PAQR9: variants seen among roughly 807,000 people sequenced by gnomAD.
The protein encoded by PAQR9 is membrane progestin receptor epsilon.
A neutral mutation model predicts 24.0 loss-of-function variants in PAQR9; 12 were observed. The observed-to-expected ratio is 0.50, with a 90% CI of 0.32 to 0.81. The LOEUF (loss-of-function observed/expected upper bound fraction) is 0.81, where lower values mean the gene tolerates loss of function less well. Ranked by LOEUF, PAQR9 falls within the 30% of genes least tolerant of loss-of-function variation. The probability of loss-of-function intolerance (pLI) is 0.03; values close to 1 mark genes in which losing one functional copy is unlikely to be tolerated. For synonymous variants in PAQR9, 266 were observed against 237.6 expected, an observed-to-expected ratio of 1.12 and a Z score of -1.10; for missense variants, 418 against 520.8, an observed-to-expected ratio of 0.80 and a Z score of 1.92.
Position 142,962,239 on chromosome 3 carries a change from C to G in PAQR9, c.1098G>C (p.Lys366Asn). The G allele has an allele frequency of 1.2e-6, 2 of 1,614,092 alleles. No homozygotes were observed. Among genetic ancestry groups the G allele is most frequent in the Non-Finnish European group, 1.7e-6 (2 of 1,180,034 alleles). The change falls in exon 1 of 1, where the codon AAG becomes AAC. Residue 366 changes from lysine to asparagine, a missense_variant. Coordinates refer to ENST00000340634, the MANE Select transcript of PAQR9 (RefSeq NM_198504.4). The stretch of plus-strand genomic sequence containing the variant: ...TGCAGAATTCGGAGCTGTTTAGGAA[C>G]TTCCTGATTACCAGCCCCAGGCAGA... ...LVVCLGLVIR[K>N]FLNSSEFCSK...
At chr3:142,963,722 G>A (rs1384528009), upstream of PAQR9, 2 of 802,346 alleles carry the variant, frequency 2.5e-6, no homozygotes, top group Non-Finnish European at 3.0e-6. Flanking sequence ...CCCCGGAGCG[G>A]GAGGTGGGGA....
At chr3:142,950,799 G>A (rs926140584), downstream of PAQR9, among the ~76,000 whole-genome samples, 13 of 152,214 alleles carry the variant, frequency 8.5e-5, no homozygotes, top group African/African-American at 3.1e-4. Context: ...CAGAAGCAGA[G>A]GGATGCATTA....
downstream of PAQR9, among the ~76,000 whole-genome samples, chr3:142,952,196 T>C (rs1260881112): frequency 1.3e-5 from 2 of 151,834 alleles, no homozygotes; most frequent in Non-Finnish European, 2.9e-5. Context: ...AGGAGAACAA[T>C]GTGTAATGGA....
In PAQR9 at chr3:142,959,946, A is replaced by T. The variant is rs529875103; in HGVS notation, c.*2257T>A. Among the ~76,000 whole-genome samples, 28 of 152,316 alleles carry T rather than the reference A, an allele frequency of 1.8e-4. No individual in the cohort carries two copies. The highest frequency in any genetic ancestry group is 6.0e-4 in the African/African-American group (25 of 41,576). ...CTAGAAAAAACAACAATGACATGCA[A>T]ATAAATTTGCATGTGGAAATATCCT... is the stretch of plus-strand genomic sequence containing the variant. On this transcript the variant is annotated 3_prime_UTR_variant, in exon 1 of 1. Transcript: ENST00000340634.
Position 142,961,946 on chromosome 3 carries a change from A to G in PAQR9, c.*257T>C. ...TTTGAGAAATCCCTGGATGTCAAAG[A>G]CATCACCTGAATTTTTTCCAGGGGC... On this transcript the variant is annotated 3_prime_UTR_variant, in exon 1 of 1. Coordinates refer to ENST00000340634, the MANE Select transcript of PAQR9 (RefSeq NM_198504.4). 1 of 477,778 alleles carries G rather than the reference A, an allele frequency of 2.1e-6. No individual in the cohort carries two copies. Among genetic ancestry groups the G allele is most frequent in the Non-Finnish European group, 3.8e-6 (1 of 265,502 alleles). The allele number at this position is 477,778 out of a possible 1,614,324, so 29.6% of individuals were successfully genotyped here. A position where few individuals can be genotyped will look rare whatever the true frequency, so the allele number is the denominator to read the frequency against.
chr3:142,962,937 C>T lies in PAQR9; in HGVS notation c.400G>A (p.Ala134Thr), dbSNP rs1309921107. Residue 134 changes from alanine (A) to threonine (T), a missense_variant, in exon 1 of 1, where the codon GCC becomes ACC. Around this residue, in one of 3 missense-constraint regions of PAQR9, gnomAD observed 180 missense variants for 190.3 expected, o/e 0.95. Transcript: ENST00000340634. ...AACACGTGCGCCGTGCAGCTCATGGCGAAGGTCAGCAGCACTCCCGACGCG... is the reference window on the plus strand; with the variant it reads ...AACACGTGCGCCGTGCAGCTCATGGTGAAGGTCAGCAGCACTCCCGACGCG... The part of the protein sequence containing the change: ...CYASGVLLTF[A>T]MSCTAHVFSC... 3 of 1,613,822 alleles carry T rather than the reference C, an allele frequency of 1.9e-6. No homozygotes were observed. Among genetic ancestry groups the T allele is most frequent in the Admixed American group, 1.7e-5 (1 of 60,000 alleles).
At position 142,957,927 on chromosome 3, in the gene PAQR9, T is replaced by TA. The variant is rs1476985797; in HGVS notation, c.*4275dup. Reference sequence around the variant, plus strand: ...AAAAAGAGACCCAAACTCAGGGACTTACGGCATTCTACCTACAGCCAAGGT... The same window carrying TA: ...AAAAAGAGACCCAAACTCAGGGACTTAACGGCATTCTACCTACAGCCAAGGT... On this transcript the variant is annotated 3_prime_UTR_variant, in exon 1 of 1. Transcript: ENST00000340634. 2.6e-5 allele frequency among the ~76,000 whole-genome samples: 4 copies of TA among 152,202 alleles called. No homozygotes were observed. The highest frequency in any genetic ancestry group is 6.5e-5 in the Admixed American group (1 of 15,286).
At chr3:142,949,983 G>T (rs1198942250), downstream of PAQR9, 1 of 152,178 alleles carries the variant, frequency 6.6e-6, no homozygotes, top group African/African-American at 2.4e-5. Context: ...GCAGGGTCTA[G>T]CCTAGTAATG....
At chr3:142,949,546 G>C (rs1443779946) in exon 3 of PAQR9, 2 of 152,226 alleles carry the variant, frequency 1.3e-5, no homozygotes, top group African/African-American at 4.8e-5. Context: ...CAGGCAGGAT[G>C]TGAAACCTCT....
At position 142,957,045 on chromosome 3, in the gene PAQR9, T is replaced by C. The variant is rs142458662; in HGVS notation, c.*5158A>G. ...TCAGGTGATATATGTCAGAGAATAT[T>C]GACAATCCTTCAAGAAAATGATTCA... On this transcript the variant is annotated 3_prime_UTR_variant, in exon 1 of 1. Coordinates refer to ENST00000340634, the MANE Select transcript of PAQR9 (RefSeq NM_198504.4). Among the ~76,000 whole-genome samples the C allele has an allele frequency of 3.9e-5, 6 of 152,322 alleles. No individual in the cohort carries two copies. In the East Asian group the frequency reaches 1.2e-3, roughly 29 times the overall value.
chr3:142,963,551 G>C lies in PAQR9; in HGVS notation c.-215C>G. On this transcript the variant is annotated 5_prime_UTR_variant, in exon 1 of 1. Transcript: ENST00000340634. ...TAATAGGCAGCGCTGCGACCGCCAGGAGCGCGGAGCGCGCGAGGCTCAGCG... is the reference window on the plus strand; with the variant it reads ...TAATAGGCAGCGCTGCGACCGCCAGCAGCGCGGAGCGCGCGAGGCTCAGCG... 1 of 979,812 alleles carries C rather than the reference G, an allele frequency of 1.0e-6. No homozygotes were observed. The highest frequency in any genetic ancestry group is 1.2e-6 in the Non-Finnish European group (1 of 823,660). The allele number at this position is 979,812 out of a possible 1,614,324, so 60.7% of individuals were successfully genotyped here. A position where few individuals can be genotyped will look rare whatever the true frequency, so the allele number is the denominator to read the frequency against.
At chr3:142,952,333 C>T (rs538101404), downstream of PAQR9, among the ~76,000 whole-genome samples, 14 of 152,162 alleles carry the variant, frequency 9.2e-5, no homozygotes, top group African/African-American at 2.4e-4. Flanking sequence ...GGCATCACTT[C>T]GGGGTCACTG....
chr3:142,963,675 G>GGGCATCGCGCGGTGCGGGTGCCTC (rs1934964825), upstream of PAQR9: 2 of 621,450 alleles, frequency 3.2e-6, no homozygotes, highest in African/African-American at 2.0e-5. Flanking sequence ...AGCGGTGACT[G>GGGCATCGCGCGGTGCGGGTGCCTC]GGCATCGCGC....
At position 142,963,487 on chromosome 3, in the gene PAQR9, C is replaced by T; in HGVS notation, c.-151G>A. 9.7e-7 allele frequency: 1 copy of T among 1,033,392 alleles called. No individual in the cohort carries two copies. Among genetic ancestry groups the T allele is most frequent in the Non-Finnish European group, 1.2e-6 (1 of 863,590 alleles). 64.0% of individuals were successfully genotyped at this position (1,033,392 alleles called of 1,614,324 possible). On this transcript the variant is annotated 5_prime_UTR_variant, in exon 1 of 1. Transcript: ENST00000340634. ...GGAGAAGACCCGTGCCTCCGAGCAG[C>T]CGCTCCTAAAAATTAAATAAATCAA...
At chr3:142,954,434 C>T (rs1328343045), downstream of PAQR9, among the ~76,000 whole-genome samples, 1 of 152,158 alleles carries the variant, frequency 6.6e-6, no homozygotes, top group Non-Finnish European at 1.5e-5. Flanking sequence ...AACTTATACT[C>T]TTGCCTTCTG....
rs926215027 is a variant in PAQR9, at chr3:142,956,775, A to G, written c.*5428T>C. ...CTACAAACTGGTTAGAAATCTGCAA[A>G]CCAGAAATGCAATACAGTTATCCTT... is the stretch of plus-strand genomic sequence containing the variant. On this transcript the variant is annotated 3_prime_UTR_variant, in exon 1 of 1. Transcript: ENST00000340634. Among the ~76,000 whole-genome samples the G allele has an allele frequency of 1.3e-5, 2 of 152,230 alleles. No individual in the cohort carries two copies. The highest frequency in any genetic ancestry group is 2.4e-5 in the African/African-American group (1 of 41,460).
chr3:142,963,729 G>T, upstream of PAQR9: 1 of 828,794 alleles, frequency 1.2e-6, no homozygotes, highest in African/African-American at 1.8e-5. Flanking sequence ...GCGGGAGGTG[G>T]GGATGTGCGA....
In PAQR9 at chr3:142,963,079, G is replaced by C; in HGVS notation, c.258C>G (p.Asn86Lys). Reference sequence around the variant, plus strand: ...GCAGCGGGATGAAGTGCGTCCAGAAGTTGAGCGTCTCGTTGGTAGGCTTCA... The same window carrying C: ...GCAGCGGGATGAAGTGCGTCCAGAACTTGAGCGTCTCGTTGGTAGGCTTCA... ...SVLKPTNETL[N>K]FWTHFIPLLL... The change falls in exon 1 of 1, where the codon AAC (asparagine) becomes AAG (lysine). Residue 86 changes from asparagine (N) to lysine (K), a missense_variant. Physicochemically the swap from Asn to Lys is moderately conservative, Grantham distance 94. Transcript: ENST00000340634. The C allele has an allele frequency of 6.2e-7, 1 of 1,614,178 alleles. No homozygotes were observed. The highest frequency in any genetic ancestry group is 8.5e-7 in the Non-Finnish European group (1 of 1,180,006).
rs991290614 is a variant in PAQR9, at chr3:142,962,052, C to G, written c.*151G>C. 1.8e-5 allele frequency: 17 copies of G among 959,254 alleles called. No individual in the cohort carries two copies. The highest frequency in any genetic ancestry group is 2.5e-5 in the Non-Finnish European group (16 of 639,846). 59.4% of individuals were successfully genotyped at this position (959,254 alleles called of 1,614,324 possible). ...CAAAGCCTCCAGTGGGTTGGGATCC[C>G]TTTGTAGCAGTGAACTTTTTCCCTA... On this transcript the variant is annotated 3_prime_UTR_variant, in exon 1 of 1. Coordinates refer to ENST00000340634, the MANE Select transcript of PAQR9 (RefSeq NM_198504.4).
Sources: gnomAD v4.1 joint callset for allele counts (sites outside exome capture counted in the v4.1 genomes callset) on GRCh38, gnomAD v4.1.1 for gene constraint, gnomAD v4.1.1 regional missense constraint, MANE v1.5 for transcripts, NCBI Gene and HGNC (gene_info 2026-07-23, HGNC 2026-07-21) for gene names.